Variants in CTCFL observed in about 807,000 individuals in gnomAD.
CTCFL encodes transcriptional repressor CTCFL.
A neutral mutation model predicts 67.4 loss-of-function variants in CTCFL; 36 were observed. The observed-to-expected ratio is 0.53, with a 90% CI of 0.41 to 0.71. The LOEUF (loss-of-function observed/expected upper bound fraction) is 0.71. CTCFL is among the 30% of genes least tolerant of loss of function. The probability of loss-of-function intolerance (pLI) is 0.00; values close to 1 mark genes in which losing one functional copy is unlikely to be tolerated. For missense variants in CTCFL, 786 were observed against 835.2 expected, an observed-to-expected ratio of 0.94 and a Z score of 0.73; for synonymous variants, 324 against 302.3, an observed-to-expected ratio of 1.07 and a Z score of -0.75.
Position 57,523,964 on chromosome 20 carries a change from G to C in CTCFL, c.242C>G (p.Thr81Ser), listed in dbSNP as rs762318241. Residue 81 changes from threonine to serine, a missense_variant, in exon 2 of 11, where the codon ACC (threonine) becomes AGC (serine). Around this residue, in one of 3 missense-constraint regions of CTCFL, gnomAD observed 333 missense variants for 304.6 expected, o/e 1.09. Coordinates refer to ENST00000243914, the MANE Select transcript of CTCFL (RefSeq NM_001386993.1). ...AGAAGTGAAGTGCACCGTCTGCAGG[G>C]TCAGGATGTACTTCTCGCTCTCCTC... ...PSEESEKYIL[T>S]LQTVHFTSEA... 3 of 1,613,012 alleles carry C rather than the reference G, an allele frequency of 1.9e-6. No homozygotes were observed. Among genetic ancestry groups the C allele is most frequent in the African/African-American group, 2.7e-5 (2 of 74,918 alleles).
At chr20:57,502,330 G>A (rs1304209773) in intron 10 of CTCFL, among the ~76,000 whole-genome samples, 2 of 152,256 alleles carry the variant, frequency 1.3e-5, no homozygotes, top group African/African-American at 2.4e-5. Flanking sequence ...GCTTCTACCC[G>A]AGTTTCAGAT....
rs955952249 is a variant in CTCFL, at chr20:57,497,309, T to A, written c.*1241A>T. On this transcript the variant is annotated 3_prime_UTR_variant, in exon 11 of 11. Transcript: ENST00000243914. Reference sequence around the variant, plus strand: ...GAATTTAAATCTCATGTGAGTTGAGTTAAATTAATTTGCTGGTACAAAGAG... The same window carrying A: ...GAATTTAAATCTCATGTGAGTTGAGATAAATTAATTTGCTGGTACAAAGAG... 1.6e-5 allele frequency: 16 copies of A among 985,058 alleles called. No homozygotes were observed. The highest frequency in any genetic ancestry group is 1.7e-5 in the African/African-American group (1 of 57,238). The allele number at this position is 985,058 out of a possible 1,614,324, so 61.0% of individuals were successfully genotyped here.
rs144712440 is a variant in CTCFL at position 57,523,955 on chromosome 20, G to A, written c.251C>T (p.Thr84Met). ...CACAGCTTCAGAAGTGAAGTGCACC[G>A]TCTGCAGGGTCAGGATGTACTTCTC... ...ESEKYILTLQ[T>M]VHFTSEAVEL... Residue 84 changes from threonine (T) to methionine (M), a missense_variant, in exon 2 of 11, where the codon ACG (threonine) becomes ATG (methionine). Physicochemically the swap from Thr to Met is moderately conservative, Grantham distance 81 (BLOSUM62 -1). This residue lies in a region of CTCFL where 333 missense variants were observed against 304.6 expected (regional missense o/e 1.09). Transcript: ENST00000243914. 8.1e-6 allele frequency: 13 copies of A among 1,612,940 alleles called. No homozygotes were observed. The highest frequency in any genetic ancestry group is 1.1e-5 in the South Asian group (1 of 91,074).
intron 7 of CTCFL, chr20:57,513,217 TATA>T: frequency 2.0e-6 from 2 of 978,906 alleles, no homozygotes; most frequent in African/African-American, 1.7e-5. Flanking sequence ...TATAAAAAGA[TATA>T]ATATCTTTAT....
chr20:57,518,542 A>G, intron 5 of CTCFL: 2 of 1,420,824 alleles, frequency 1.4e-6, no homozygotes, highest in African/African-American at 2.9e-5. Flanking sequence ...AAACCTTTAC[A>G]TATTATTTTC....
chr20:57,514,792 A>G, intron 6 of CTCFL, 51 bp from the exon 7 acceptor site: 1 of 1,569,312 alleles, frequency 6.4e-7, no homozygotes, highest in Non-Finnish European at 8.6e-7. Flanking sequence ...ATCCTTGCCA[A>G]AGGCCACCTG....
chr20:57,507,574 G>A (rs538368344), intron 9 of CTCFL: 1 of 702,898 alleles, frequency 1.4e-6, no homozygotes, highest in African/African-American at 1.7e-5. Flanking sequence ...CTCTGAGTCA[G>A]GAGGACACTC....
At chr20:57,502,131 C>T (rs761981040) in intron 10 of CTCFL, among the ~76,000 whole-genome samples, 2 of 152,180 alleles carry the variant, frequency 1.3e-5, no homozygotes, top group Non-Finnish European at 2.9e-5. Context: ...AGTTCCCTGC[C>T]AGGCAGGGCC....
rs1437856302 is a variant in CTCFL, at chr20:57,498,398, C to T, written c.*152G>A. 2.8e-6 allele frequency: 4 copies of T among 1,416,756 alleles called. No homozygotes were observed. The highest frequency in any genetic ancestry group is 3.7e-6 in the Non-Finnish European group (4 of 1,081,372). 87.8% of individuals were successfully genotyped at this position (1,416,756 alleles called of 1,614,324 possible). On this transcript the variant is annotated 3_prime_UTR_variant, in exon 11 of 11. Transcript: ENST00000243914. ...GTTTCAAAGAAAATGCTAAAAATTTCTAACTTGCTTTAGGAATTAGGGGCA... is the reference window on the plus strand; with the variant it reads ...GTTTCAAAGAAAATGCTAAAAATTTTTAACTTGCTTTAGGAATTAGGGGCA...
Position 57,523,981 on chromosome 20 carries a change from G to C in CTCFL, c.225C>G (p.Ser75Arg), listed in dbSNP as rs755019448. 1.5e-5 allele frequency: 25 copies of C among 1,613,132 alleles called. No homozygotes were observed. The highest frequency in any genetic ancestry group is 1.9e-5 in the Non-Finnish European group (23 of 1,180,000). The change falls in exon 2 of 11, where the codon AGC (serine) becomes AGG (arginine). Residue 75 changes from serine (S) to arginine (R), a missense_variant. Coordinates refer to ENST00000243914, the MANE Select transcript of CTCFL (RefSeq NM_001386993.1). ...TCTGCAGGGTCAGGATGTACTTCTC[G>C]CTCTCCTCCGAGGGGGCCAGCACCA... is the stretch of plus-strand genomic sequence containing the variant. ...VELVLAPSEE[S>R]EKYILTLQTV...
At chr20:57,507,937 T>C (rs1193491061) in intron 9 of CTCFL, 4 of 669,974 alleles carry the variant, frequency 6.0e-6, no homozygotes, top group African/African-American at 3.6e-5. Context: ...TATTCTTTTT[T>C]TTTTAATTAA....
chr20:57,521,763 A>G (rs2069382607), intron 3 of CTCFL, among the ~76,000 whole-genome samples: 1 of 152,248 alleles, frequency 6.6e-6, no homozygotes, highest in African/African-American at 2.4e-5. Flanking sequence ...GCGCTGACAC[A>G]TACTACAATA....
intron 7 of CTCFL, among the ~76,000 whole-genome samples, 172 bp from the exon 8 acceptor site, chr20:57,512,924 T>C (rs1279300476): frequency 3.3e-5 from 5 of 152,204 alleles, no homozygotes; most frequent in Non-Finnish European, 7.3e-5. Flanking sequence ...GCAGCATTCC[T>C]GGTGTCTGTC....
At chr20:57,513,663 A>G in intron 7 of CTCFL, 1 of 1,182,808 alleles carries the variant, frequency 8.5e-7, no homozygotes, top group Non-Finnish European at 1.1e-6. Context: ...GGCAACAATG[A>G]CAGAATGGTC....
downstream of CTCFL, chr20:57,496,001 T>C (rs1002716813): frequency 6.3e-5 from 23 of 367,852 alleles, 1 homozygote; most frequent in African/African-American, 4.0e-4. Flanking sequence ...GTTTTTGAAA[T>C]TAACATACAT....
intron 9 of CTCFL, chr20:57,507,227 T>G (rs975833595): frequency 4.1e-6 from 1 of 244,942 alleles, no homozygotes; most frequent in African/African-American, 2.3e-5. Flanking sequence ...AGTCTTGCTC[T>G]GTCGCCCAGG....
intron 9 of CTCFL, among the ~76,000 whole-genome samples, chr20:57,505,052 T>C (rs952594093): frequency 2.6e-5 from 4 of 151,754 alleles, no homozygotes; most frequent in South Asian, 2.1e-4. Flanking sequence ...AGAGTCGGCT[T>C]CCCCAAAGGC....
rs746148640 is a variant in CTCFL at position 57,504,727 on chromosome 20, A to C, written c.1675-1126T>G. ...CTAAATTTGTTCTAATTTTGTTCTTAATTTCCTCCTGAGAGGCCTAGAGGA... is the reference window on the plus strand; with the variant it reads ...CTAAATTTGTTCTAATTTTGTTCTTCATTTCCTCCTGAGAGGCCTAGAGGA... On this transcript the variant is annotated intron_variant, in intron 9 of 10. Transcript: ENST00000243914. Among the ~76,000 whole-genome samples the C allele has an allele frequency of 2.4e-4, 37 of 151,770 alleles. 1 individual carries two copies. The highest frequency in any genetic ancestry group is 1.0e-4 in the Non-Finnish European group (7 of 67,820).
At chr20:57,513,896 C>T in intron 7 of CTCFL, 1 of 1,288,976 alleles carries the variant, frequency 7.8e-7, no homozygotes, top group Non-Finnish European at 1.0e-6. Flanking sequence ...GAGGCTCGTT[C>T]ACTCACGCTT....
Sources: allele counts gnomAD v4.1 joint callset (sites outside exome capture counted in the v4.1 genomes callset), GRCh38; gene constraint gnomAD v4.1.1; regional missense constraint gnomAD v4.1.1; transcripts MANE v1.5; gene names NCBI Gene and HGNC (gene_info 2026-07-23, HGNC 2026-07-21).